The following SLC35D4 variants were observed in gnomAD, a reference collection of about 807,000 sequenced individuals.
SLC35D4 encodes solute carrier family 35 member D4, also known as UDP-N-acetylglucosamine transporter SLC35D4.
At chr18:23,264,902 C>T in the SLC35D4 span, among the ~76,000 whole-genome samples, 1 of 152,152 alleles carries the variant, frequency 6.6e-6, no homozygotes, top group East Asian at 1.9e-4. Context: ...ATCTCAGCCA[C>T]CCAAATTACC....
At chr18:23,352,077 C>T in the SLC35D4 span, 5 of 741,366 alleles carry the variant, frequency 6.7e-6, no homozygotes, top group Non-Finnish European at 1.1e-5. Flanking sequence ...GGATCAGGCT[C>T]AGGGACAGCG....
chr18:23,314,295 A>G, the SLC35D4 span, among the ~76,000 whole-genome samples: 8 of 152,218 alleles, frequency 5.3e-5, no homozygotes, highest in African/African-American at 1.9e-4. Flanking sequence ...ACAGTTAATC[A>G]GTGGATTGGT....
At chr18:23,354,801 G>C in the SLC35D4 span, among the ~76,000 whole-genome samples, 1 of 152,230 alleles carries the variant, frequency 6.6e-6, no homozygotes, top group African/African-American at 2.4e-5. Flanking sequence ...TGACTGACAG[G>C]CTTCTGGAAG....
chr18:23,246,578 A>G, the SLC35D4 span, among the ~76,000 whole-genome samples: 2 of 151,658 alleles, frequency 1.3e-5, no homozygotes, highest in East Asian at 2.0e-4. Context: ...TTTTTAGTAG[A>G]GATGGGGTTT....
the SLC35D4 span, among the ~76,000 whole-genome samples, chr18:23,254,985 CAGAA>C: frequency 1.3e-5 from 2 of 152,284 alleles, no homozygotes; most frequent in East Asian, 3.9e-4. Context: ...GTGGTTTTCA[CAGAA>C]AGGAATAGGT....
At chr18:23,243,468 G>GTTTTTTTTTT in the SLC35D4 span, among the ~76,000 whole-genome samples, 1 of 101,878 alleles carries the variant, frequency 9.8e-6, no homozygotes. Context: ...TGGGTTTGGT[G>GTTTTTTTTTT]TTTTTTTTTT....
chr18:23,246,671 T>G, the SLC35D4 span, among the ~76,000 whole-genome samples: 5,708 of 151,688 alleles, frequency 0.038, 155 homozygotes, highest in African/African-American at 0.041. Flanking sequence ...GATTATATGC[T>G]TGAGCCACCG....
At chr18:23,358,748 T>G in the SLC35D4 span, among the ~76,000 whole-genome samples, 2 of 152,138 alleles carry the variant, frequency 1.3e-5, no homozygotes, top group Non-Finnish European at 2.9e-5. Flanking sequence ...ACCAAGAGTA[T>G]TGGAAAGACC....
chr18:23,391,723 A>G, the SLC35D4 span, among the ~76,000 whole-genome samples: 1,004 of 152,072 alleles, frequency 6.6e-3, 9 homozygotes, highest in African/African-American at 0.023. Context: ...CCTGGGCTCA[A>G]GCAATTCTCC....
chr18:23,292,340 G>T, the SLC35D4 span, among the ~76,000 whole-genome samples: 67 of 152,356 alleles, frequency 4.4e-4, no homozygotes, highest in African/African-American at 1.4e-3. Flanking sequence ...AACACGCAGA[G>T]TGATAGTTCA....
At chr18:23,294,037 T>C in the SLC35D4 span, among the ~76,000 whole-genome samples, 12 of 152,158 alleles carry the variant, frequency 7.9e-5, no homozygotes, top group Admixed American at 3.3e-4. Context: ...GTTCAATCAA[T>C]CCTCCCACCT....
At chr18:23,391,305 A>C in the SLC35D4 span, among the ~76,000 whole-genome samples, 2 of 152,116 alleles carry the variant, frequency 1.3e-5, no homozygotes, top group African/African-American at 2.4e-5. Context: ...GAACGGAGCC[A>C]AATAACCAGA....
the SLC35D4 span, among the ~76,000 whole-genome samples, chr18:23,417,116 C>T: frequency 3.3e-5 from 5 of 152,116 alleles, no homozygotes; most frequent in South Asian, 6.2e-4. Flanking sequence ...GTAGTGCACA[C>T]GTGTAGTCCC....
At chr18:23,245,172 C>T in the SLC35D4 span, among the ~76,000 whole-genome samples, 10 of 152,144 alleles carry the variant, frequency 6.6e-5, no homozygotes, top group Admixed American at 1.3e-4. Flanking sequence ...ATGGAGGCCC[C>T]TTCCCTCTTC....
At chr18:23,263,300 C>T in the SLC35D4 span, among the ~76,000 whole-genome samples, 1 of 152,208 alleles carries the variant, frequency 6.6e-6, no homozygotes, top group African/African-American at 2.4e-5. Flanking sequence ...TTCTGATGCC[C>T]TCAGTTAGAC....
chr18:23,423,203 T>C, the SLC35D4 span, among the ~76,000 whole-genome samples: 1 of 152,240 alleles, frequency 6.6e-6, no homozygotes, highest in Non-Finnish European at 1.5e-5. Context: ...TGTGCCATCC[T>C]CTTGCCCCAT....
chr18:23,253,148 G>T, the SLC35D4 span: 1 of 783,044 alleles, frequency 1.3e-6, no homozygotes, highest in Non-Finnish European at 2.2e-6. Context: ...CTGTCCAGTG[G>T]TCCTTCCTGT....
At chr18:23,282,435 C>T in the SLC35D4 span, among the ~76,000 whole-genome samples, 8 of 152,312 alleles carry the variant, frequency 5.3e-5, no homozygotes, top group African/African-American at 2.4e-5. Flanking sequence ...AAGATTCGCT[C>T]GGCTCACTGG....
chr18:23,385,485 C>A, the SLC35D4 span, among the ~76,000 whole-genome samples: 7 of 152,328 alleles, frequency 4.6e-5, no homozygotes, highest in Admixed American at 4.6e-4. Flanking sequence ...GGAATGAGAA[C>A]TGAACGATGA....
Sources: gnomAD v4.1 joint callset for allele counts (sites outside exome capture counted in the v4.1 genomes callset) on GRCh38, gnomAD v4.1.1 for gene constraint, MANE v1.5 for transcripts, NCBI Gene and HGNC (gene_info 2026-07-23, HGNC 2026-07-21) for gene names.